Variants in CNTLN observed in about 807,000 individuals in gnomAD.
The protein encoded by CNTLN is centlein.
In CNTLN, 212 loss-of-function variants were observed where a neutral mutation model predicts 180.0. That is an observed-to-expected ratio of 1.18 (90% CI 1.05 to 1.32). The LOEUF (loss-of-function observed/expected upper bound fraction) is 1.32, where lower values mean the gene tolerates loss of function less well. Ranked by LOEUF, CNTLN falls within the 40% of genes most tolerant of loss-of-function variation. The pLI, the probability that CNTLN is intolerant of heterozygous loss-of-function variation, is 0.00. For synonymous variants in CNTLN, 722 were observed against 563.1 expected (o/e 1.28, Z -3.99); for missense variants, 2,095 against 1,610.9 (o/e 1.30, Z -5.14).
At chr9:17,424,412 A>C (rs1828942671) in intron 18 of CNTLN, among the ~76,000 whole-genome samples, 1 of 152,178 alleles carries the variant, frequency 6.6e-6, no homozygotes, top group South Asian at 2.1e-4. Context: ...CAATAATATT[A>C]CTTAAGTGTA....
intron 18 of CNTLN, among the ~76,000 whole-genome samples, chr9:17,418,436 A>C (rs150815387): frequency 6.6e-6 from 1 of 151,968 alleles, no homozygotes; most frequent in African/African-American, 2.4e-5. Flanking sequence ...CTCTAACATA[A>C]TAACCAAAGC....
At chr9:17,223,477 TGTCTCAGATAATGTCTG>T (rs1824275494) in intron 2 of CNTLN, among the ~76,000 whole-genome samples, 1 of 152,048 alleles carries the variant, frequency 6.6e-6, no homozygotes, top group Non-Finnish European at 1.5e-5. Flanking sequence ...TTCTTCTCTG[TGTCTCAGATAATGTCTG>T]CTCCATTCTT....
chr9:17,242,025 T>A (rs1241457402), intron 5 of CNTLN, among the ~76,000 whole-genome samples: 1 of 152,178 alleles, frequency 6.6e-6, no homozygotes, highest in Non-Finnish European at 1.5e-5. Flanking sequence ...CCTTTCCAAC[T>A]TGGATGTCCT....
intron 3 of CNTLN, among the ~76,000 whole-genome samples, chr9:17,231,108 C>T (rs751259778): frequency 2.6e-5 from 4 of 152,024 alleles, no homozygotes; most frequent in Non-Finnish European, 5.9e-5. Context: ...TCAGTTTGTT[C>T]AGCGTTTTTT....
intron 8 of CNTLN, among the ~76,000 whole-genome samples, chr9:17,312,343 T>TTATATATA (rs1225851796): frequency 1.4e-3 from 42 of 30,306 alleles, no homozygotes; most frequent in Admixed American, 5.1e-3. Flanking sequence ...ATTACTGTAT[T>TTATATATA]TATATATATA....
chr9:17,434,249 T>C (rs930497363), intron 18 of CNTLN, among the ~76,000 whole-genome samples: 2 of 152,048 alleles, frequency 1.3e-5, no homozygotes, highest in Non-Finnish European at 2.9e-5. Context: ...TTATTTCTGC[T>C]CTTATCTTTA....
At chr9:17,475,982 A>T (rs866869244) in intron 23 of CNTLN, among the ~76,000 whole-genome samples, 3 of 151,956 alleles carry the variant, frequency 2.0e-5, no homozygotes, top group Non-Finnish European at 4.4e-5. Flanking sequence ...GTTTTTTACA[A>T]ATTGAAGATT....
At position 17,388,174 on chromosome 9, in the gene CNTLN, G is replaced by T. The variant is rs1290538889; in HGVS notation, c.2000G>T (p.Arg667Ile). The T allele has an allele frequency of 1.2e-6, 2 of 1,609,106 alleles. No homozygotes were observed. Among genetic ancestry groups the T allele is most frequent in the Admixed American group, 3.3e-5 (2 of 59,928 alleles). Residue 667 changes from arginine (R) to isoleucine (I), a missense_variant, in exon 14 of 26, where the codon AGA (arginine) becomes ATA (isoleucine). By Grantham distance (97) the Arg-to-Ile change is moderately conservative (BLOSUM62 -3). Transcript: ENST00000380647. ...TATTCTCTACCAGAACAGCTCTTTA[G>T]ATCTGGTGAAGATGATGAGGTCAAG... ...VAERREEQLF[R>I]SGEDDEVKRS...
the CNTLN span, among the ~76,000 whole-genome samples, chr9:17,522,631 G>C: frequency 2.0e-5 from 3 of 152,098 alleles, no homozygotes; most frequent in Non-Finnish European, 4.4e-5. Context: ...CAGAGAAGCA[G>C]ACTTGGCTGG....
intron 5 of CNTLN, among the ~76,000 whole-genome samples, chr9:17,267,272 G>T (rs923554147): frequency 6.6e-6 from 1 of 152,070 alleles, no homozygotes; most frequent in African/African-American, 2.4e-5. Flanking sequence ...TGTCTGTAAA[G>T]TATTTTATTT....
chr9:17,525,856 A>G, the CNTLN span, among the ~76,000 whole-genome samples: 1 of 152,164 alleles, frequency 6.6e-6, no homozygotes, highest in Non-Finnish European at 1.5e-5. Context: ...ACATGATTTG[A>G]CTCATTTCTT....
At chr9:17,236,653 C>A in intron 5 of CNTLN, 65 bp downstream of exon 5, 1 of 1,309,368 alleles carries the variant, frequency 7.6e-7, no homozygotes, top group East Asian at 2.4e-5. Context: ...AAGTTTAATA[C>A]ATGTTATTTT....
intron 13 of CNTLN, among the ~76,000 whole-genome samples, chr9:17,381,399 C>T (rs547155047): frequency 1.3e-5 from 2 of 152,338 alleles, no homozygotes; most frequent in African/African-American, 4.8e-5. Flanking sequence ...ATACTATCAG[C>T]ATTCTGCACT....
chr9:17,257,074 C>T (rs1013599897), intron 5 of CNTLN, among the ~76,000 whole-genome samples: 1 of 151,882 alleles, frequency 6.6e-6, no homozygotes, highest in Non-Finnish European at 1.5e-5. Flanking sequence ...GCACTGCACC[C>T]ACTAACTCGT....
Position 17,290,975 on chromosome 9 carries a change from C to T in CNTLN, c.984-7215C>T, listed in dbSNP as rs572573131. ...TGCAGAAATCACCCGTCTTCTGTGT[C>T]GCTCATGCTGGGAGCTGTAGACCGG... On this transcript the variant is annotated intron_variant, in intron 6 of 25. Transcript: ENST00000380647. Among the ~76,000 whole-genome samples the T allele has an allele frequency of 4.6e-5, 7 of 152,212 alleles. No individual in the cohort carries two copies. In the South Asian group the frequency reaches 8.3e-4, roughly 18 times the overall value.
At chr9:17,438,134 C>T (rs1169314533) in intron 18 of CNTLN, among the ~76,000 whole-genome samples, 2 of 152,076 alleles carry the variant, frequency 1.3e-5, no homozygotes, top group Non-Finnish European at 2.9e-5. Flanking sequence ...TGACCGTAGA[C>T]CAATTAAATT....
chr9:17,284,989 AT>A (rs1828891359), intron 6 of CNTLN, among the ~76,000 whole-genome samples: 1 of 145,164 alleles, frequency 6.9e-6, no homozygotes, highest in South Asian at 2.2e-4. Context: ...GAACTTCTTG[AT>A]TTCTGCCTTA....
intron 6 of CNTLN, among the ~76,000 whole-genome samples, chr9:17,283,553 T>C (rs1363058283): frequency 1.3e-5 from 2 of 152,158 alleles, no homozygotes; most frequent in African/African-American, 2.4e-5. Context: ...CAGAGACAGT[T>C]TGACTTCCTC....
At chr9:17,494,765 T>C (rs1833356758) in intron 25 of CNTLN, 55 of 318,568 alleles carry the variant, frequency 1.7e-4, no homozygotes, top group South Asian at 1.3e-3. Context: ...TAAACAAACC[T>C]GCTGTGCTGC....
Sources: allele counts gnomAD v4.1 joint callset (sites outside exome capture counted in the v4.1 genomes callset), GRCh38; gene constraint gnomAD v4.1.1; transcripts MANE v1.5; gene names NCBI Gene and HGNC (gene_info 2026-07-23, HGNC 2026-07-21).